Variants in SLC4A4 observed in about 807,000 individuals in gnomAD.
SLC4A4 encodes the protein electrogenic sodium bicarbonate cotransporter 1.
A neutral mutation model predicts 111.5 loss-of-function variants in SLC4A4; 27 were observed. The ratio of observed to expected loss-of-function variants is 0.24; its 90% CI spans 0.18 to 0.33. The LOEUF (loss-of-function observed/expected upper bound fraction) is 0.33, where lower values mean the gene tolerates loss of function less well. Among genes scored for constraint, SLC4A4 ranks in the 10% least tolerant of loss-of-function variants. The pLI, the probability that SLC4A4 is intolerant of heterozygous loss-of-function variation, is 1.00. For missense variants in SLC4A4, 909 were observed against 1,315.5 expected (o/e 0.69, Z 4.78); for synonymous variants, 443 against 463.4 (o/e 0.96, Z 0.57).
intron 1 of SLC4A4, among the ~76,000 whole-genome samples, chr4:71,221,127 T>C (rs1394752443): frequency 6.6e-6 from 1 of 152,182 alleles, no homozygotes; most frequent in African/African-American, 2.4e-5. Flanking sequence ...TTAACGGGCA[T>C]TTAGGTTGAT....
intron 7 of SLC4A4, among the ~76,000 whole-genome samples, chr4:71,402,688 G>T (rs1720474352): frequency 6.6e-6 from 1 of 152,192 alleles, no homozygotes; most frequent in South Asian, 2.1e-4. Context: ...GTACTTAGAG[G>T]TCCTTAGTCA....
At chr4:71,210,498 T>A (rs1442468546) in intron 1 of SLC4A4, among the ~76,000 whole-genome samples, 1 of 152,210 alleles carries the variant, frequency 6.6e-6, no homozygotes, top group Non-Finnish European at 1.5e-5. Context: ...AAATGCATAA[T>A]CTTTGGTAAT....
intron 2 of SLC4A4, among the ~76,000 whole-genome samples, chr4:71,167,285 T>G (rs527870654): frequency 8.2e-4 from 125 of 152,248 alleles, no homozygotes; most frequent in African/African-American, 2.9e-3. Flanking sequence ...AAGGCAGCAT[T>G]AGGACAATTG....
At chr4:71,158,969 G>A (rs1744548823) in intron 2 of SLC4A4, among the ~76,000 whole-genome samples, 1 of 152,054 alleles carries the variant, frequency 6.6e-6, no homozygotes, top group Non-Finnish European at 1.5e-5. Context: ...ATACCTGGGT[G>A]GATTTCGCAG....
chr4:71,288,175 T>G (rs776938691), intron 3 of SLC4A4, among the ~76,000 whole-genome samples: 2 of 152,196 alleles, frequency 1.3e-5, no homozygotes, highest in Non-Finnish European at 2.9e-5. Flanking sequence ...AGGGGTAGCA[T>G]GCAGAATGGC....
intron 2 of SLC4A4, among the ~76,000 whole-genome samples, chr4:71,096,985 C>T (rs1742575959): frequency 6.6e-6 from 1 of 152,080 alleles, no homozygotes; most frequent in Non-Finnish European, 1.5e-5. Context: ...TTTATTGTGA[C>T]AAAATACATA....
chr4:71,263,140 T>G (rs2149070655), intron 3 of SLC4A4, among the ~76,000 whole-genome samples: 1 of 151,840 alleles, frequency 6.6e-6, no homozygotes, highest in Non-Finnish European at 1.5e-5. Context: ...CTATTGCTCA[T>G]CATTACTTAA....
intron 19 of SLC4A4, 78 bp downstream of exon 19, chr4:71,546,606 A>G (rs1212183126): frequency 8.1e-7 from 1 of 1,235,456 alleles, no homozygotes; most frequent in Non-Finnish European, 1.2e-6. Flanking sequence ...GGATATGGGC[A>G]GATTTGGAGG....
intron 5 of SLC4A4, among the ~76,000 whole-genome samples, chr4:71,355,076 G>A (rs1433240144): frequency 2.0e-5 from 3 of 152,192 alleles, no homozygotes; most frequent in African/African-American, 7.2e-5. Context: ...ACTTAATGAA[G>A]GGCATAAAGC....
intron 6 of SLC4A4, among the ~76,000 whole-genome samples, chr4:71,386,926 G>C (rs903863152): frequency 2.6e-5 from 4 of 152,130 alleles, no homozygotes; most frequent in African/African-American, 9.7e-5. Context: ...TCTGAGGGGT[G>C]CTCTAAGCTC....
intron 3 of SLC4A4, among the ~76,000 whole-genome samples, chr4:71,289,900 C>T (rs377404349): frequency 7.9e-5 from 12 of 152,222 alleles, no homozygotes; most frequent in Non-Finnish European, 1.0e-4. Context: ...AAAATGCCAT[C>T]GATTCTTGAG....
chr4:71,222,695 A>T (rs772199615), intron 1 of SLC4A4, among the ~76,000 whole-genome samples: 42 of 152,374 alleles, frequency 2.8e-4, no homozygotes, highest in Non-Finnish European at 4.4e-4. Context: ...AGACATTTTA[A>T]TAAGGGAACA....
chr4:71,363,679 A>G (rs964624837), intron 6 of SLC4A4, among the ~76,000 whole-genome samples: 23 of 152,172 alleles, frequency 1.5e-4, no homozygotes, highest in African/African-American at 3.9e-4. Context: ...TCCTCTTCCT[A>G]TGTGCCTTTC....
intron 11 of SLC4A4, 87 bp from the exon 12 acceptor site, chr4:71,453,405 ATGT>A: frequency 8.1e-7 from 1 of 1,234,802 alleles, no homozygotes; most frequent in South Asian, 1.2e-5. Context: ...CATTTTAAAT[ATGT>A]TGTGTTTGAT....
intron 2 of SLC4A4, among the ~76,000 whole-genome samples, chr4:71,100,961 A>G (rs1460064672): frequency 6.6e-6 from 1 of 152,226 alleles, no homozygotes; most frequent in East Asian, 1.9e-4. Context: ...AGTCAAACGG[A>G]AAAACATGCC....
At chr4:71,287,154 C>G (rs1451131475) in intron 3 of SLC4A4, among the ~76,000 whole-genome samples, 1 of 152,130 alleles carries the variant, frequency 6.6e-6, no homozygotes, top group Non-Finnish European at 1.5e-5. Context: ...GTTACCAGTA[C>G]ACATTATACA....
intron 15 of SLC4A4, among the ~76,000 whole-genome samples, chr4:71,491,921 C>A (rs1161481290): frequency 6.6e-6 from 1 of 151,542 alleles, no homozygotes; most frequent in African/African-American, 2.4e-5. Flanking sequence ...CACTGAGGAT[C>A]TACTGTAATA....
chr4:71,421,796 A>T (rs1260920854), intron 7 of SLC4A4, among the ~76,000 whole-genome samples: 1 of 152,178 alleles, frequency 6.6e-6, no homozygotes, highest in East Asian at 1.9e-4. Flanking sequence ...AATGAGAAAA[A>T]AGACACAACA....
At chr4:71,295,297 G>T (rs1010681720) in intron 3 of SLC4A4, among the ~76,000 whole-genome samples, 4 of 152,130 alleles carry the variant, frequency 2.6e-5, no homozygotes, top group African/African-American at 7.2e-5. Context: ...AATGGTGAGG[G>T]ATTATCTCTT....
Sources: allele counts gnomAD v4.1 joint callset (sites outside exome capture counted in the v4.1 genomes callset), GRCh38; gene constraint gnomAD v4.1.1; transcripts MANE v1.5; gene names NCBI Gene and HGNC (gene_info 2026-07-23, HGNC 2026-07-21).